TUSC3: variants seen among roughly 807,000 people sequenced by gnomAD.
TUSC3 encodes tumor suppressor candidate 3, also known as dolichyl-diphosphooligosaccharide--protein glycosyltransferase subunit TUSC3.
Under a neutral mutation model 44.8 loss-of-function variants are expected in TUSC3, and 45 were observed. The observed-to-expected ratio is 1.00, with a 90% CI of 0.79 to 1.29. TUSC3 has a LOEUF of 1.29. Ranked by LOEUF, TUSC3 falls within the 50% of genes most tolerant of loss-of-function variation. The pLI is 0.00. For missense variants in TUSC3, 519 were observed against 437.9 expected, an observed-to-expected ratio of 1.19 and a Z score of -1.65; for synonymous variants, 212 against 152.9, an observed-to-expected ratio of 1.39 and a Z score of -2.85.
chr8:15,489,175 A>G (rs1311178364), intron 2 of TUSC3, among the ~76,000 whole-genome samples: 4 of 152,164 alleles, frequency 2.6e-5, no homozygotes, highest in Non-Finnish European at 5.9e-5. Context: ...GCATCAGTCA[A>G]TACCTGTAAG....
intron 1 of TUSC3, among the ~76,000 whole-genome samples, chr8:15,543,923 T>A (rs1317974351): frequency 6.6e-6 from 1 of 151,956 alleles, no homozygotes; most frequent in Admixed American, 6.6e-5. Flanking sequence ...TGTGTGTGTG[T>A]GTGTGTGTGT....
At chr8:15,485,149 C>G (rs901474294) in intron 2 of TUSC3, among the ~76,000 whole-genome samples, 2 of 152,146 alleles carry the variant, frequency 1.3e-5, no homozygotes, top group African/African-American at 2.4e-5. Context: ...ACACCATTAT[C>G]TTTTTTGTCA....
At chr8:15,547,417 G>A (rs532400336) in intron 1 of TUSC3, among the ~76,000 whole-genome samples, 1 of 151,620 alleles carries the variant, frequency 6.6e-6, no homozygotes, top group Non-Finnish European at 1.5e-5. Flanking sequence ...GTCATAAATT[G>A]TGAAATCTTT....
intron 1 of TUSC3, among the ~76,000 whole-genome samples, chr8:15,601,345 G>A (rs574716919): frequency 9.2e-5 from 14 of 151,764 alleles, no homozygotes; most frequent in South Asian, 6.2e-4. Context: ...ACCTGTAGTA[G>A]AAATGGAAGG....
intron 9 of TUSC3, among the ~76,000 whole-genome samples, chr8:15,754,758 T>G (rs1340870827): frequency 6.6e-6 from 1 of 150,700 alleles, no homozygotes; most frequent in Non-Finnish European, 1.5e-5. Flanking sequence ...ATTATCTTTA[T>G]GTACAGAACC....
In TUSC3 at chr8:15,697,949, C is replaced by G. The variant is rs896130748; in HGVS notation, c.798+24113C>G. ...TACAGATTATATCAGAGTTTAATAT[C>G]TTTGAAAAGTTTTGGACTTATCCAA... On this transcript the variant is annotated intron_variant, in intron 6 of 10. Coordinates refer to ENST00000503731, the MANE Select transcript of TUSC3 (RefSeq NM_006765.4). 7.9e-5 allele frequency among the ~76,000 whole-genome samples: 12 copies of G among 152,126 alleles called. No homozygotes were observed. The East Asian group carries it at 1.2e-3, about 15-fold the overall frequency.
At chr8:15,555,517 A>T (rs1365795975) in intron 1 of TUSC3, among the ~76,000 whole-genome samples, 2 of 148,264 alleles carry the variant, frequency 1.3e-5, no homozygotes, top group Non-Finnish European at 3.0e-5. Context: ...ATGGCCTTGA[A>T]CTCTTGGGCT....
the TUSC3 span, among the ~76,000 whole-genome samples, chr8:15,838,933 A>G: frequency 6.6e-6 from 1 of 152,106 alleles, no homozygotes; most frequent in Non-Finnish European, 1.5e-5. Context: ...CATTGAATCT[A>G]TAAATTACCT....
At chr8:15,806,583 C>T in the TUSC3 span, 3 of 1,472,228 alleles carry the variant, frequency 2.0e-6, no homozygotes, top group Non-Finnish European at 1.9e-6. Flanking sequence ...CAGATACTAT[C>T]ACATGCAAGG....
At chr8:15,824,095 A>G in the TUSC3 span, among the ~76,000 whole-genome samples, 1 of 152,206 alleles carries the variant, frequency 6.6e-6, no homozygotes, top group Admixed American at 6.5e-5. Flanking sequence ...TAGAAGGAGG[A>G]AGAAGATGAG....
At chr8:15,593,860 C>A (rs868220003) in intron 1 of TUSC3, among the ~76,000 whole-genome samples, 13 of 152,210 alleles carry the variant, frequency 8.5e-5, no homozygotes, top group Non-Finnish European at 1.9e-4. Context: ...CTGCCATCTC[C>A]TTTTTTTCTT....
chr8:15,692,357 A>AACCCC (rs1808939452), intron 6 of TUSC3, among the ~76,000 whole-genome samples: 1 of 88,134 alleles, frequency 1.1e-5, no homozygotes, highest in Non-Finnish European at 2.1e-5. Flanking sequence ...TTGGGAGGAG[A>AACCCC]CCCCCCCCCC....
chr8:15,792,968 A>G, the TUSC3 span, among the ~76,000 whole-genome samples: 1 of 151,936 alleles, frequency 6.6e-6, no homozygotes, highest in Non-Finnish European at 1.5e-5. Flanking sequence ...ACCCTCTGTA[A>G]GGCGCCTACC....
intron 1 of TUSC3, among the ~76,000 whole-genome samples, chr8:15,551,461 T>C (rs1376031959): frequency 6.6e-6 from 1 of 151,732 alleles, no homozygotes; most frequent in African/African-American, 2.4e-5. Flanking sequence ...TTAATTGAGT[T>C]ATATGATTCG....
chr8:15,670,018 A>T, intron 5 of TUSC3, among the ~76,000 whole-genome samples: 1 of 152,010 alleles, frequency 6.6e-6, no homozygotes, highest in East Asian at 1.9e-4. Flanking sequence ...TTTTAAAAAA[A>T]TCTATTGTCA....
chr8:15,796,188 G>A, the TUSC3 span, among the ~76,000 whole-genome samples: 2 of 152,128 alleles, frequency 1.3e-5, no homozygotes, highest in South Asian at 2.1e-4. Context: ...ATACAATGAT[G>A]GATTCAGGCA....
intron 1 of TUSC3, among the ~76,000 whole-genome samples, chr8:15,554,542 C>G (rs1407682558): frequency 1.3e-5 from 2 of 150,084 alleles, no homozygotes; most frequent in Admixed American, 6.7e-5. Flanking sequence ...TCTTAGTGCA[C>G]TATAGTCTAA....
At chr8:15,807,046 C>T in the TUSC3 span, 59 of 1,418,172 alleles carry the variant, frequency 4.2e-5, no homozygotes, top group African/African-American at 3.1e-4. Flanking sequence ...TGGTTATCGG[C>T]GATGTGATCT....
At chr8:15,525,284 C>T (rs1261063250) in intron 2 of TUSC3, among the ~76,000 whole-genome samples, 2 of 152,084 alleles carry the variant, frequency 1.3e-5, no homozygotes, top group Admixed American at 6.5e-5. Context: ...GATGCTAGTG[C>T]CATCTTTCTG....
Sources: gnomAD v4.1 joint callset for allele counts (sites outside exome capture counted in the v4.1 genomes callset) on GRCh38, gnomAD v4.1.1 for gene constraint, MANE v1.5 for transcripts, NCBI Gene and HGNC (gene_info 2026-07-23, HGNC 2026-07-21) for gene names.